The following FARP2 variants were observed in gnomAD, a reference collection of about 807,000 sequenced individuals.
The protein encoded by FARP2 is FERM, ARHGEF and pleckstrin domain-containing protein 2.
FARP2 carries 111 observed loss-of-function variants against 130.5 expected under a neutral mutation model. The observed-to-expected ratio is 0.85, with a 90% confidence interval of 0.73 to 1.00. The LOEUF (loss-of-function observed/expected upper bound fraction) is 1.00. FARP2 is among the 50% of genes least tolerant of loss of function. FARP2 has a pLI of 0.00. For synonymous variants in FARP2, 504 were observed against 516.9 expected, an observed-to-expected ratio of 0.98 and a Z score of 0.34; for missense variants, 1,385 against 1,346.3, an observed-to-expected ratio of 1.03 and a Z score of -0.45.
chr2:241,415,786 C>G (rs989019509), intron 7 of FARP2, among the ~76,000 whole-genome samples: 1 of 152,118 alleles, frequency 6.6e-6, no homozygotes, highest in African/African-American at 2.4e-5. Flanking sequence ...GACTACAGGC[C>G]TGGGGAGGTA....
At chr2:241,372,405 G>GC (rs891414921) in intron 1 of FARP2, among the ~76,000 whole-genome samples, 1 of 152,108 alleles carries the variant, frequency 6.6e-6, no homozygotes, top group African/African-American at 2.4e-5. Context: ...ACTACCAGTG[G>GC]CACCCACTCC....
Position 241,397,765 on chromosome 2 carries a change from G to C in FARP2, c.184-6063G>C, listed in dbSNP as rs1387563942. ...TTCACAGCTCAGAGACTTTTGTAGA[G>C]AGGATTATTATAAAATGTGAAAGAT... On this transcript the variant is annotated intron_variant, in intron 2 of 26. Transcript: ENST00000264042. Among the ~76,000 whole-genome samples, 5 of 151,836 alleles carry C rather than the reference G, an allele frequency of 3.3e-5. No individual in the cohort carries two copies. The South Asian group carries it at 1.0e-3, about 32-fold the overall frequency.
At chr2:241,370,512 T>TTGTA (rs1330676806) in intron 1 of FARP2, among the ~76,000 whole-genome samples, 2 of 152,178 alleles carry the variant, frequency 1.3e-5, no homozygotes, top group Non-Finnish European at 1.5e-5. Flanking sequence ...GGGCATCATG[T>TTGTA]TGTACATGAT....
At chr2:241,462,266 G>T (rs1290010370) in intron 14 of FARP2, among the ~76,000 whole-genome samples, 1 of 152,198 alleles carries the variant, frequency 6.6e-6, no homozygotes, top group Non-Finnish European at 1.5e-5. Context: ...TATAAAAAAT[G>T]ATTTTATCAC....
At chr2:241,423,927 A>G (rs989570388) in intron 8 of FARP2, among the ~76,000 whole-genome samples, 12 of 152,344 alleles carry the variant, frequency 7.9e-5, no homozygotes, top group Admixed American at 7.2e-4. Context: ...ATATATATGC[A>G]CCCAATACAG....
chr2:241,493,161 G>GT, intron 25 of FARP2, 125 bp downstream of exon 25: 1 of 1,191,364 alleles, frequency 8.4e-7, no homozygotes, highest in African/African-American at 1.5e-5. Context: ...ACCCTGTGCT[G>GT]TGTGAACAGG....
intron 1 of FARP2, among the ~76,000 whole-genome samples, chr2:241,369,235 G>A (rs1031939959): frequency 6.6e-6 from 1 of 152,112 alleles, no homozygotes; most frequent in Non-Finnish European, 1.5e-5. Flanking sequence ...AGTGTGTCAT[G>A]TTCTCGTGGA....
chr2:241,448,457 GTTTAC>G (rs893423061), intron 13 of FARP2, among the ~76,000 whole-genome samples: 7 of 152,154 alleles, frequency 4.6e-5, no homozygotes, highest in African/African-American at 1.7e-4. Flanking sequence ...CCTTTATTTA[GTTTAC>G]TTTAATAGTT....
At chr2:241,456,992 T>A (rs2063862028) in intron 14 of FARP2, 70 bp downstream of exon 14, 2 of 1,382,986 alleles carry the variant, frequency 1.4e-6, no homozygotes. Context: ...TTCCTTCGGG[T>A]GGTGCTGGTG....
chr2:241,381,302 C>A (rs187670064), intron 2 of FARP2, among the ~76,000 whole-genome samples: 1 of 152,128 alleles, frequency 6.6e-6, no homozygotes, highest in African/African-American at 2.4e-5. Flanking sequence ...TCAGCTGTAC[C>A]CCGGCCTGCT....
chr2:241,491,020 AG>A, intron 22 of FARP2, 40 bp from the exon 23 acceptor site: 1 of 1,487,262 alleles, frequency 6.7e-7, no homozygotes, highest in Non-Finnish European at 9.4e-7. Flanking sequence ...GCCCTACACA[AG>A]GAAGAGCAGA....
intron 2 of FARP2, among the ~76,000 whole-genome samples, chr2:241,391,232 T>G (rs754416780): frequency 5.3e-5 from 8 of 152,192 alleles, no homozygotes; most frequent in Non-Finnish European, 1.2e-4. Context: ...TAAAAGACAG[T>G]AAAGAAGAAA....
intron 18 of FARP2, among the ~76,000 whole-genome samples, chr2:241,470,175 T>G (rs962106574): frequency 1.3e-5 from 2 of 152,244 alleles, no homozygotes; most frequent in Non-Finnish European, 2.9e-5. Context: ...TTGAATAGAA[T>G]TCTCTTGGAC....
intron 17 of FARP2, chr2:241,465,608 T>A (rs2150480822): frequency 6.4e-7 from 1 of 1,550,716 alleles, no homozygotes; most frequent in East Asian, 2.4e-5. Flanking sequence ...GTGCAGGTCG[T>A]GCATTGACTG....
intron 2 of FARP2, among the ~76,000 whole-genome samples, chr2:241,402,737 A>G (rs1239871247): frequency 1.4e-5 from 2 of 144,068 alleles, no homozygotes; most frequent in Admixed American, 6.9e-5. Flanking sequence ...CACAATCTCA[A>G]CTCACTGCAA....
At chr2:241,393,254 A>G (rs1048959045) in intron 2 of FARP2, among the ~76,000 whole-genome samples, 1 of 152,088 alleles carries the variant, frequency 6.6e-6, no homozygotes, top group Non-Finnish European at 1.5e-5. Context: ...TCCTGAGCTC[A>G]GGTGATCCAC....
At chr2:241,366,409 A>G (rs1206921183) in intron 1 of FARP2, among the ~76,000 whole-genome samples, 2 of 151,926 alleles carry the variant, frequency 1.3e-5, no homozygotes, top group Non-Finnish European at 2.9e-5. Context: ...CAGGTTGTAG[A>G]GGATCTAAAA....
intron 4 of FARP2, among the ~76,000 whole-genome samples, chr2:241,405,088 T>A (rs2062298216): frequency 6.6e-6 from 1 of 152,220 alleles, no homozygotes. Context: ...GTCTTAATTT[T>A]TGGCCAATAT....
At chr2:241,447,779 C>T (rs1027756324) in intron 13 of FARP2, among the ~76,000 whole-genome samples, 4 of 152,192 alleles carry the variant, frequency 2.6e-5, no homozygotes, top group African/African-American at 9.7e-5. Flanking sequence ...CCACACACGC[C>T]TGCGGGGGTG....
Sources: allele counts gnomAD v4.1 joint callset (sites outside exome capture counted in the v4.1 genomes callset), GRCh38; gene constraint gnomAD v4.1.1; transcripts MANE v1.5; gene names NCBI Gene and HGNC (gene_info 2026-07-23, HGNC 2026-07-21).